The following IL1RAPL2 variants were observed in gnomAD, a reference collection of about 807,000 sequenced individuals.
The protein encoded by IL1RAPL2 is X-linked interleukin-1 receptor accessory protein-like 2.
Under a neutral mutation model 44.1 loss-of-function variants are expected in IL1RAPL2, and 3 were observed. The observed-to-expected ratio is 0.07, with a 90% CI of 0.03 to 0.18. The LOEUF (loss-of-function observed/expected upper bound fraction) is 0.18. IL1RAPL2 is among the 10% of genes least tolerant of loss of function. The pLI is 1.00. For missense variants in IL1RAPL2, 391 were observed against 496.4 expected, an observed-to-expected ratio of 0.79 and a Z score of 2.02; for synonymous variants, 181 against 178.8, an observed-to-expected ratio of 1.01 and a Z score of -0.10.
At chrX:104,986,222 T>C (rs2030557315) in intron 2 of IL1RAPL2, among the ~76,000 whole-genome samples, 1 of 111,979 alleles carries the variant, frequency 8.9e-6, no homozygotes, top group Non-Finnish European at 1.9e-5. Flanking sequence ...TCCTGACTGC[T>C]CCTCCAGGAA....
intron 2 of IL1RAPL2, among the ~76,000 whole-genome samples, chrX:104,771,536 G>T (rs1444640761): frequency 8.9e-6 from 1 of 112,322 alleles, no homozygotes; most frequent in Non-Finnish European, 1.9e-5. Context: ...TTTCTCTGAC[G>T]ATCAGCAGCA....
chrX:105,535,134 T>G (rs1047141316), intron 6 of IL1RAPL2, among the ~76,000 whole-genome samples: 2 of 111,818 alleles, frequency 1.8e-5, no homozygotes, highest in East Asian at 5.6e-4. Context: ...AAGGACTTTA[T>G]CCAGAAAGAC....
At chrX:105,208,112 T>C in intron 3 of IL1RAPL2, among the ~76,000 whole-genome samples, 1 of 110,933 alleles carries the variant, frequency 9.0e-6, no homozygotes, top group East Asian at 2.8e-4. Flanking sequence ...AACAGGGAGG[T>C]AAATTTGGTC....
chrX:105,767,761 T>TGAA lies in IL1RAPL2; in HGVS notation c.*104_*106dup. 1.6e-6 allele frequency: 1 copy of TGAA among 641,054 alleles called. No homozygotes were observed. 52.8% of individuals were successfully genotyped at this position (641,054 alleles called of 1,213,427 possible). On this transcript the variant is annotated 3_prime_UTR_variant, in exon 11 of 11. Coordinates refer to ENST00000372582, the MANE Select transcript of IL1RAPL2 (RefSeq NM_017416.2). ...AATAACGTTGTGTTAAAAAAGTGTT[T>TGAA]GAAGAAAAAGGTACAAAAATGGCTT...
chrX:105,766,000 C>T (rs1165210003), intron 10 of IL1RAPL2, among the ~76,000 whole-genome samples: 7 of 112,364 alleles, frequency 6.2e-5, no homozygotes, highest in Non-Finnish European at 1.3e-4. Context: ...TCTAAGTCTC[C>T]ATTTGTTAAC....
At chrX:105,160,595 T>C (rs1354459391) in intron 2 of IL1RAPL2, among the ~76,000 whole-genome samples, 1 of 111,527 alleles carries the variant, frequency 9.0e-6, no homozygotes, top group Non-Finnish European at 1.9e-5. Flanking sequence ...AGTTTACCCA[T>C]CTACACTTCA....
intron 2 of IL1RAPL2, among the ~76,000 whole-genome samples, chrX:105,036,997 C>A (rs1256148211): frequency 2.7e-5 from 3 of 111,929 alleles, no homozygotes; most frequent in Admixed American, 9.5e-5. Flanking sequence ...CCATATGCTT[C>A]CAAGAAACAC....
intron 2 of IL1RAPL2, among the ~76,000 whole-genome samples, chrX:104,955,103 A>G (rs1925679165): frequency 8.9e-6 from 1 of 111,940 alleles, no homozygotes; most frequent in South Asian, 3.7e-4. Context: ...GTAAACTGTC[A>G]TGGTATTGGT....
chrX:105,640,876 T>C (rs1361867881), intron 6 of IL1RAPL2, among the ~76,000 whole-genome samples: 1 of 107,132 alleles, frequency 9.3e-6, no homozygotes, highest in African/African-American at 3.4e-5. Context: ...GTCCAGGCTC[T>C]TGTGTTTCCC....
chrX:104,856,916 T>C (rs1384723247), intron 2 of IL1RAPL2, among the ~76,000 whole-genome samples: 1 of 112,633 alleles, frequency 8.9e-6, no homozygotes, highest in Non-Finnish European at 1.9e-5. Context: ...GATTTCCTAA[T>C]AAATCTGCTT....
intron 2 of IL1RAPL2, among the ~76,000 whole-genome samples, chrX:105,042,743 A>T (rs1220316963): frequency 2.8e-5 from 3 of 106,923 alleles, no homozygotes; most frequent in Admixed American, 1.0e-4. Flanking sequence ...TACCCAAAGG[A>T]CTATAAATCA....
chrX:104,623,955 A>AT lies in IL1RAPL2; in HGVS notation c.-19-34939dup, dbSNP rs754840364. Among the ~76,000 whole-genome samples, 86 of 111,885 alleles carry AT rather than the reference A, an allele frequency of 7.7e-4. No individual in the cohort carries two copies. In the Middle Eastern group the frequency reaches 0.042, roughly 54 times the overall value. Reference sequence around the variant, plus strand: ...CTTCCTGTCAATTCATGGTAAAGTAATGAGAGAAACAAGAGAAGTCCTCAA... The same window carrying AT: ...CTTCCTGTCAATTCATGGTAAAGTAATTGAGAGAAACAAGAGAAGTCCTCAA... On this transcript the variant is annotated intron_variant, in intron 1 of 10. Coordinates refer to ENST00000372582, the MANE Select transcript of IL1RAPL2 (RefSeq NM_017416.2).
At chrX:104,657,822 T>C (rs1930300494) in intron 1 of IL1RAPL2, among the ~76,000 whole-genome samples, 1 of 111,843 alleles carries the variant, frequency 8.9e-6, no homozygotes, top group Admixed American at 9.5e-5. Context: ...GAACAGAGAC[T>C]TCTCAAAATA....
intron 5 of IL1RAPL2, among the ~76,000 whole-genome samples, chrX:105,299,800 CTAACTA>C (rs1193512878): frequency 8.9e-6 from 1 of 111,949 alleles, no homozygotes; most frequent in Non-Finnish European, 1.9e-5. Context: ...ATGCTTAACT[CTAACTA>C]TATTTCTGTT....
intron 6 of IL1RAPL2, among the ~76,000 whole-genome samples, chrX:105,696,193 C>T (rs951313447): frequency 7.1e-5 from 8 of 112,070 alleles, no homozygotes; most frequent in African/African-American, 2.3e-4. Context: ...CATTAAATAA[C>T]GAGAATCATA....
intron 2 of IL1RAPL2, among the ~76,000 whole-genome samples, chrX:104,910,175 G>A (rs772379521): frequency 3.6e-5 from 4 of 112,370 alleles, no homozygotes; most frequent in South Asian, 7.4e-4. Flanking sequence ...GACCCCTTGC[G>A]CTTCCCGAGT....
intron 5 of IL1RAPL2, among the ~76,000 whole-genome samples, chrX:105,354,036 T>C (rs1221740665): frequency 1.8e-5 from 2 of 111,000 alleles, no homozygotes; most frequent in East Asian, 5.7e-4. Context: ...TGCTTCCAGT[T>C]TTTGCCCATT....
chrX:104,680,888 T>C, intron 2 of IL1RAPL2, among the ~76,000 whole-genome samples: 1 of 112,357 alleles, frequency 8.9e-6, no homozygotes. Flanking sequence ...TTACAACTTA[T>C]CTAATTTATC....
At chrX:104,569,686 A>G (rs1439649713) in intron 1 of IL1RAPL2, among the ~76,000 whole-genome samples, 1 of 112,947 alleles carries the variant, frequency 8.9e-6, no homozygotes, top group African/African-American at 3.2e-5. Flanking sequence ...CACTTTATCA[A>G]ATACACTGGC....
Sources: gnomAD v4.1 joint callset for allele counts (sites outside exome capture counted in the v4.1 genomes callset) on GRCh38, gnomAD v4.1.1 for gene constraint, MANE v1.5 for transcripts, NCBI Gene and HGNC (gene_info 2026-07-23, HGNC 2026-07-21) for gene names.